Variants in BLMH observed in about 807,000 individuals in gnomAD.
The protein encoded by BLMH is BLM hydrolase.
BLMH carries 32 observed loss-of-function variants against 61.6 expected under a neutral mutation model. That is an observed-to-expected ratio of 0.52 (90% CI 0.39 to 0.70). The LOEUF is 0.70. BLMH is among the 30% of genes least tolerant of loss of function. BLMH has a pLI of 0.00. For missense variants in BLMH, 460 were observed against 555.5 expected (o/e 0.83, Z 1.73); for synonymous variants, 183 against 193.8 (o/e 0.94, Z 0.46).
Position 30,285,405 on chromosome 17 carries a change from C to A in BLMH, c.628G>T (p.Asp210Tyr), listed in dbSNP as rs1908698952. ...ATKGEISATQ[D>Y]VMMEEIFRVV... ...GTTATTACCTCCTCCATCATGACGT[C>A]CTGTGTGGCCGAGATTTCTCCTTTG... The change falls in exon 6 of 12, where the codon GAC becomes TAC. Residue 210 changes from aspartate (D) to tyrosine (Y), a missense_variant. By Grantham distance (160) the Asp-to-Tyr change is radical. Transcript: ENST00000261714. The A allele has an allele frequency of 5.0e-6, 8 of 1,611,820 alleles. No homozygotes were observed. In the East Asian group the frequency reaches 1.8e-4, roughly 36 times the overall value.
intron 6 of BLMH, among the ~76,000 whole-genome samples, chr17:30,275,360 T>C (rs1908389939): frequency 6.6e-6 from 1 of 152,162 alleles, no homozygotes; most frequent in Non-Finnish European, 1.5e-5. Flanking sequence ...ATTTTCATTT[T>C]ATAGAAATGC....
intron 6 of BLMH, among the ~76,000 whole-genome samples, chr17:30,276,810 T>C (rs56881390): frequency 0.073 from 11,056 of 152,316 alleles, 569 homozygotes; most frequent in South Asian, 0.12. Flanking sequence ...CATATCAATA[T>C]ACATAACATT....
chr17:30,287,024 A>G, intron 4 of BLMH, 122 bp from the exon 5 acceptor site: 1 of 662,620 alleles, frequency 1.5e-6, no homozygotes, highest in South Asian at 1.9e-5. Flanking sequence ...CTTATACTTC[A>G]TATTATGAAG....
chr17:30,249,953 A>C (rs1169329181), intron 11 of BLMH: 3 of 152,258 alleles, frequency 2.0e-5, no homozygotes, highest in Non-Finnish European at 4.4e-5. Context: ...GTGTGGTGTC[A>C]TCGGGTACCC....
chr17:30,283,600 C>T (rs1018609320), intron 6 of BLMH, among the ~76,000 whole-genome samples: 2 of 149,644 alleles, frequency 1.3e-5, no homozygotes, highest in African/African-American at 2.5e-5. Flanking sequence ...CGGCTCACTG[C>T]AAGCTCTGCC....
In BLMH at chr17:30,262,611, A is replaced by G. The variant is rs185468846; in HGVS notation, c.1216+4274T>C. Among the ~76,000 whole-genome samples, 11 of 152,262 alleles carry G rather than the reference A, an allele frequency of 7.2e-5. No homozygotes were observed. The East Asian group carries it at 2.1e-3, about 29-fold the overall frequency. On this transcript the variant is annotated intron_variant, in intron 11 of 11. Transcript: ENST00000261714. ...AGATCGAGACCATCCTGGCTAACAC[A>G]GTGAAACTCTGTCTCTACTAAAAAA...
In BLMH at chr17:30,272,595, A is replaced by C. The variant is rs754513319; in HGVS notation, c.994T>G (p.Phe332Val). ...TCACTGAGGCCCAGCTTGCTATTGA[A>C]GTGTTTTCCAACATCACAGCCAAAC... ...VWFGCDVGKH[F>V]NSKLGLSDMN... Residue 332 changes from phenylalanine to valine, a missense_variant, in exon 9 of 12, where the codon TTC becomes GTC. Transcript: ENST00000261714. The C allele has an allele frequency of 1.4e-5, 23 of 1,614,192 alleles. No homozygotes were observed. In the Admixed American group the frequency reaches 3.5e-4, roughly 25 times the overall value.
chr17:30,268,666 A>T (rs1256117762), intron 10 of BLMH, among the ~76,000 whole-genome samples: 3 of 151,916 alleles, frequency 2.0e-5, no homozygotes, highest in Non-Finnish European at 4.4e-5. Context: ...CAGAGATAGA[A>T]ATGATAAAAA....
intron 2 of BLMH, among the ~76,000 whole-genome samples, chr17:30,290,624 G>A (rs1399831844): frequency 6.6e-6 from 1 of 152,184 alleles, no homozygotes; most frequent in East Asian, 1.9e-4. Flanking sequence ...AGTATAGAAA[G>A]ACTTTAAAAA....
intron 11 of BLMH, among the ~76,000 whole-genome samples, chr17:30,251,288 A>C (rs1278453501): frequency 6.6e-6 from 1 of 152,186 alleles, no homozygotes; most frequent in Admixed American, 6.5e-5. Context: ...ATCTCCAAAA[A>C]ACTTAAATGG....
chr17:30,266,085 G>C (rs1312704254), intron 11 of BLMH, among the ~76,000 whole-genome samples: 1 of 152,158 alleles, frequency 6.6e-6, no homozygotes, highest in Non-Finnish European at 1.5e-5. Flanking sequence ...GTATAAAGAA[G>C]TGCTAAGTGG....
intron 2 of BLMH, chr17:30,291,003 G>A (rs956004887): frequency 5.8e-6 from 2 of 345,068 alleles, no homozygotes; most frequent in Admixed American, 4.1e-5. Flanking sequence ...TTGTGACCAA[G>A]ACCATACATC....
At chr17:30,285,582 C>A (rs1304909957) in intron 5 of BLMH, 102 bp from the exon 6 acceptor site, 10 of 820,450 alleles carry the variant, frequency 1.2e-5, no homozygotes, top group African/African-American at 1.8e-5. Context: ...TAACTCAGGC[C>A]AGACCCATGA....
At chr17:30,273,141 C>T (rs891618871) in intron 7 of BLMH, 24 of 411,174 alleles carry the variant, frequency 5.8e-5, no homozygotes, top group Non-Finnish European at 9.0e-5. Context: ...GTTTTTCCTA[C>T]TAGCAAGAAC....
rs547379087 is a variant in BLMH at position 30,269,822 on chromosome 17, G to C, written c.1146+1449C>G. ...GCATTAAGACTGCCTCTTAAGTTCA[G>C]GGCACCTTTACACCATACTGTGTTT... On this transcript the variant is annotated intron_variant, in intron 10 of 11. Coordinates refer to ENST00000261714, the MANE Select transcript of BLMH (RefSeq NM_000386.4). 3.9e-5 allele frequency among the ~76,000 whole-genome samples: 6 copies of C among 152,260 alleles called. No individual in the cohort carries two copies. In the East Asian group the frequency reaches 1.2e-3, roughly 29 times the overall value.
chr17:30,271,214 C>T (rs772114559), intron 10 of BLMH, 57 bp downstream of exon 10: 16 of 1,264,778 alleles, frequency 1.3e-5, no homozygotes, highest in Non-Finnish European at 1.7e-5. Flanking sequence ...AAACAGTCTA[C>T]AGGAGAATGT....
At chr17:30,276,268 A>C (rs1908422138) in intron 6 of BLMH, among the ~76,000 whole-genome samples, 1 of 152,224 alleles carries the variant, frequency 6.6e-6, no homozygotes, top group African/African-American at 2.4e-5. Context: ...AAGATGGTGG[A>C]TATTATCCCC....
chr17:30,291,348 G>T lies in BLMH; in HGVS notation c.174C>A (p.Pro58=). The T allele has an allele frequency of 6.2e-7, 1 of 1,612,606 alleles. No individual in the cohort carries two copies. Among genetic ancestry groups the T allele is most frequent in the Non-Finnish European group, 8.5e-7 (1 of 1,179,980 alleles). ...RAQHVFQHAV[P]QEGKPITNQK... ...GGTTGGTGATTGGCTTGCCCTCCTG[G>T]GGCACGGCGTGCTGGAACACATGCT... The change falls in exon 2 of 12, where the codon CCC becomes CCA. Residue 58 remains proline (P), a synonymous_variant. Transcript: ENST00000261714.
chr17:30,280,980 C>T (rs1293779912), intron 6 of BLMH, among the ~76,000 whole-genome samples: 1 of 151,552 alleles, frequency 6.6e-6, no homozygotes, highest in African/African-American at 2.4e-5. Flanking sequence ...ACTGTTTATT[C>T]ACTGTTTATT....
Sources: gnomAD v4.1 joint callset for allele counts (sites outside exome capture counted in the v4.1 genomes callset) on GRCh38, gnomAD v4.1.1 for gene constraint, MANE v1.5 for transcripts, NCBI Gene and HGNC (gene_info 2026-07-23, HGNC 2026-07-21) for gene names.